Variants in SEMA6D observed in about 807,000 individuals in gnomAD.
SEMA6D encodes the protein semaphorin 6D.
Under a neutral mutation model 106.6 loss-of-function variants are expected in SEMA6D, and 35 were observed. The observed-to-expected ratio is 0.33, with a 90% CI of 0.25 to 0.44. SEMA6D has a LOEUF of 0.44. Ranked by LOEUF, SEMA6D falls within the 20% of genes least tolerant of loss-of-function variation. SEMA6D has a pLI of 1.00. For synonymous variants in SEMA6D, 499 were observed against 487.7 expected (o/e 1.02, Z -0.31); for missense variants, 1,185 against 1,345.9 (o/e 0.88, Z 1.87).
chr15:47,528,632 G>T (rs532287745), intron 3 of SEMA6D, among the ~76,000 whole-genome samples: 14 of 152,300 alleles, frequency 9.2e-5, no homozygotes, highest in Non-Finnish European at 1.9e-4. Flanking sequence ...CCATGTAGCA[G>T]GATAGATAAA....
At chr15:47,383,626 A>G (rs555257730) in intron 1 of SEMA6D, among the ~76,000 whole-genome samples, 1 of 144,658 alleles carries the variant, frequency 6.9e-6, no homozygotes, top group Admixed American at 6.9e-5. Context: ...TATATGCTTT[A>G]CCAGTTTTAA....
chr15:47,537,564 TG>T (rs1161738799), intron 3 of SEMA6D, among the ~76,000 whole-genome samples: 7 of 152,196 alleles, frequency 4.6e-5, no homozygotes, highest in Non-Finnish European at 1.0e-4. Context: ...ATTTTGTTTA[TG>T]TATACAGAAT....
At chr15:47,703,933 T>TCACAGTA (rs2145952052) in intron 4 of SEMA6D, among the ~76,000 whole-genome samples, 1 of 152,338 alleles carries the variant, frequency 6.6e-6, no homozygotes, top group African/African-American at 2.4e-5. Context: ...CAAAACCTTT[T>TCACAGTA]CACAGTACAT....
At chr15:47,251,250 A>T (rs542317884) in intron 1 of SEMA6D, among the ~76,000 whole-genome samples, 3 of 152,182 alleles carry the variant, frequency 2.0e-5, no homozygotes, top group Admixed American at 2.0e-4. Context: ...TATTCCTAAC[A>T]TGAAGGTTTT....
intron 1 of SEMA6D, among the ~76,000 whole-genome samples, chr15:47,742,831 A>ACCCT (rs2080899449): frequency 1.3e-5 from 2 of 151,852 alleles, no homozygotes; most frequent in African/African-American, 4.8e-5. Flanking sequence ...AGGACCCCAC[A>ACCCT]CCCTCTGTGT....
chr15:47,633,798 G>A (rs573649345), intron 4 of SEMA6D, among the ~76,000 whole-genome samples: 78 of 152,248 alleles, frequency 5.1e-4, no homozygotes, highest in Non-Finnish European at 9.6e-4. Context: ...AGGTTCCAAA[G>A]GTCCCCATTA....
At chr15:47,477,185 C>A (rs560170981) in intron 3 of SEMA6D, among the ~76,000 whole-genome samples, 1 of 152,210 alleles carries the variant, frequency 6.6e-6, no homozygotes, top group African/African-American at 2.4e-5. Flanking sequence ...TTTCCTCTGA[C>A]AAGATGAGTG....
chr15:47,715,819 A>G (rs1371791879), upstream of SEMA6D, among the ~76,000 whole-genome samples: 1 of 152,184 alleles, frequency 6.6e-6, no homozygotes, highest in Non-Finnish European at 1.5e-5. Context: ...GATGCAGGAC[A>G]ACTCAAGAGC....
At chr15:47,758,697 A>G (rs1567087278) in intron 1 of SEMA6D, among the ~76,000 whole-genome samples, 1 of 152,144 alleles carries the variant, frequency 6.6e-6, no homozygotes, top group Admixed American at 6.6e-5. Flanking sequence ...CATCACTTCA[A>G]TAAAAATGAT....
intron 1 of SEMA6D, among the ~76,000 whole-genome samples, chr15:47,229,718 T>G (rs898168420): frequency 2.6e-5 from 4 of 152,136 alleles, no homozygotes; most frequent in African/African-American, 9.7e-5. Context: ...ACAATTACAG[T>G]CATATTGGTC....
chr15:47,410,982 A>T lies in SEMA6D; in HGVS notation c.-238-1411A>T, dbSNP rs547339023. Among the ~76,000 whole-genome samples, 5 of 152,204 alleles carry T rather than the reference A, an allele frequency of 3.3e-5. No individual in the cohort carries two copies. In the South Asian group the frequency reaches 6.2e-4, roughly 19 times the overall value. The stretch of plus-strand genomic sequence containing the variant: ...AAATATTTTTTCTCTCCACTTAAAT[A>T]CAAGGAGATGAGTGGCTGTGGCCTG... On this transcript the variant is annotated intron_variant, in intron 1 of 19. Transcript: ENST00000558014.
At chr15:47,208,500 C>T (rs1895261235) in intron 1 of SEMA6D, among the ~76,000 whole-genome samples, 1 of 152,054 alleles carries the variant, frequency 6.6e-6, no homozygotes, top group Non-Finnish European at 1.5e-5. Flanking sequence ...TTTCTGTGTT[C>T]AGCAGATGGT....
At chr15:47,427,767 TG>T (rs1190241644) in intron 2 of SEMA6D, among the ~76,000 whole-genome samples, 1 of 152,148 alleles carries the variant, frequency 6.6e-6, no homozygotes, top group African/African-American at 2.4e-5. Context: ...CACTCTCATT[TG>T]TGGTATTTAT....
intron 2 of SEMA6D, among the ~76,000 whole-genome samples, chr15:47,461,767 C>T (rs770531866): frequency 9.9e-5 from 15 of 151,914 alleles, no homozygotes; most frequent in African/African-American, 1.5e-4. Context: ...CAATACAAAC[C>T]GACAGATAGT....
chr15:47,662,991 A>T (rs983548123), intron 4 of SEMA6D, among the ~76,000 whole-genome samples: 2 of 152,202 alleles, frequency 1.3e-5, no homozygotes, highest in Non-Finnish European at 2.9e-5. Context: ...GCTATACTAC[A>T]TGTTGGCAAG....
intron 4 of SEMA6D, among the ~76,000 whole-genome samples, chr15:47,702,482 A>G (rs2078831809): frequency 6.6e-6 from 1 of 152,202 alleles, no homozygotes; most frequent in Non-Finnish European, 1.5e-5. Context: ...AACTAAACAT[A>G]TGCTTACCAT....
At chr15:47,315,452 A>G (rs1428841500) in intron 1 of SEMA6D, among the ~76,000 whole-genome samples, 1 of 152,038 alleles carries the variant, frequency 6.6e-6, no homozygotes, top group East Asian at 1.9e-4. Flanking sequence ...CCATTAATCT[A>G]TTTGTCTGTT....
chr15:47,671,786 G>A (rs558124341), intron 4 of SEMA6D, among the ~76,000 whole-genome samples: 33 of 152,110 alleles, frequency 2.2e-4, no homozygotes, highest in Non-Finnish European at 3.7e-4. Context: ...AAGAAGCAGC[G>A]ATAAGGCTTG....
chr15:47,301,704 C>T (rs934196838), intron 1 of SEMA6D, among the ~76,000 whole-genome samples: 13 of 152,212 alleles, frequency 8.5e-5, no homozygotes, highest in Non-Finnish European at 1.3e-4. Flanking sequence ...AGGTGATTTT[C>T]CCTCTTAGCA....
Sources: allele counts gnomAD v4.1 joint callset (sites outside exome capture counted in the v4.1 genomes callset), GRCh38; gene constraint gnomAD v4.1.1; transcripts MANE v1.5; gene names NCBI Gene and HGNC (gene_info 2026-07-23, HGNC 2026-07-21).